Variants in CFAP54 observed in about 807,000 individuals in gnomAD.
CFAP54 encodes cilia and flagella associated protein 54.
Under a neutral mutation model 370.4 loss-of-function variants are expected in CFAP54, and 290 were observed. The observed-to-expected ratio is 0.78, with a 90% CI of 0.71 to 0.86. The LOEUF (loss-of-function observed/expected upper bound fraction) is 0.86. Ranked by LOEUF, CFAP54 falls within the 40% of genes least tolerant of loss-of-function variation. CFAP54 has a pLI of 0.00. For synonymous variants in CFAP54, 1,206 were observed against 1,236.5 expected (o/e 0.98, Z 0.52); for missense variants, 3,399 against 3,528.7 (o/e 0.96, Z 0.93).
intron 12 of CFAP54, among the ~76,000 whole-genome samples, chr12:96,536,275 T>C (rs1174637303): frequency 2.0e-5 from 3 of 152,204 alleles, no homozygotes; most frequent in Admixed American, 6.5e-5. Flanking sequence ...AGCTTCCTAA[T>C]CTGTTTTTGT....
chr12:96,506,156 G>A (rs146761634), intron 3 of CFAP54, among the ~76,000 whole-genome samples: 1 of 152,032 alleles, frequency 6.6e-6, no homozygotes, highest in African/African-American at 2.4e-5. Flanking sequence ...TGGCTAACAC[G>A]GTGAAACCCC....
chr12:96,585,767 A>C (rs1393798965), intron 22 of CFAP54, among the ~76,000 whole-genome samples: 1 of 152,184 alleles, frequency 6.6e-6, no homozygotes, highest in Admixed American at 6.5e-5. Flanking sequence ...CCCCAGTCCT[A>C]TCTCTCAACT....
chr12:96,513,121 A>G, intron 5 of CFAP54, 77 bp downstream of exon 5: 1 of 601,884 alleles, frequency 1.7e-6, no homozygotes, highest in South Asian at 4.2e-5. Flanking sequence ...TACACAGTAT[A>G]TTGAATGTTA....
Position 96,630,641 on chromosome 12 carries a change from G to T in CFAP54, c.4306G>T (p.Ala1436Ser). ...FKNPAISEMV[A>S]HERNRRTSVR... ...AAATCCGGCTATTTCTGAAATGGTG[G>T]CACATGAAAGGTATTCACTAATTAA... is the stretch of plus-strand genomic sequence containing the variant. The change falls in exon 32 of 68, where the codon GCA (alanine) becomes TCA (serine). Residue 1436 changes from alanine to serine, a missense_variant. Ala to Ser is a moderately conservative substitution (Grantham distance 99). Coordinates refer to ENST00000524981, the MANE Select transcript of CFAP54 (RefSeq NM_001306084.2). 2.0e-6 allele frequency: 3 copies of T among 1,485,966 alleles called. No homozygotes were observed. The highest frequency in any genetic ancestry group is 2.7e-6 in the Non-Finnish European group (3 of 1,121,452). The allele number at this position is 1,485,966 out of a possible 1,614,324, so 92.0% of individuals were successfully genotyped here. A position where few individuals can be genotyped will look rare whatever the true frequency, so the allele number is the denominator to read the frequency against.
At chr12:96,849,536 T>G (rs1474170239) in intron 66 of CFAP54, among the ~76,000 whole-genome samples, 2 of 152,254 alleles carry the variant, frequency 1.3e-5, no homozygotes, top group African/African-American at 2.4e-5. Context: ...GTAGATTCTT[T>G]GAAGACTACA....
chr12:96,743,154 A>G (rs1958071241), intron 52 of CFAP54, among the ~76,000 whole-genome samples: 1 of 152,190 alleles, frequency 6.6e-6, no homozygotes, highest in Non-Finnish European at 1.5e-5. Context: ...ATTTCTATCC[A>G]TCTTCCAAAT....
chr12:96,503,064 C>CTCTTTCTTTCTT (rs1289847310), intron 2 of CFAP54, among the ~76,000 whole-genome samples: 1 of 114,994 alleles, frequency 8.7e-6, no homozygotes, highest in African/African-American at 3.8e-5. Context: ...TCCTTTCTCT[C>CTCTTTCTTTCTT]TCTCTCTTTC....
At position 96,522,082 on chromosome 12, in the gene CFAP54, A is replaced by C; in HGVS notation, c.1057-6A>C. On this transcript the variant is annotated splice_polypyrimidine_tract_variant and splice_region_variant and intron_variant, in intron 7 of 67. Transcript: ENST00000524981. ...ATTTCATGTATAATTCTGCTTTTTG[A>C]GGCAGATGGCAGTGATGATCTTCAA... 1.3e-6 allele frequency: 2 copies of C among 1,534,560 alleles called. No homozygotes were observed. The highest frequency in any genetic ancestry group is 1.7e-6 in the Non-Finnish European group (2 of 1,146,354).
intron 1 of CFAP54, among the ~76,000 whole-genome samples, chr12:96,496,699 G>A (rs549161137): frequency 6.6e-6 from 1 of 152,076 alleles, no homozygotes; most frequent in African/African-American, 2.4e-5. Context: ...GAATTGGGGG[G>A]CAGTGGGGGA....
rs78507917 is a variant in CFAP54 at position 96,822,862 on chromosome 12, A to T, written c.9096+4949A>T. Reference sequence around the variant, plus strand: ...ATCTGTCTCATTTGGCTCAAACTCCAACACCTTTTCCTCCAACTCAGTCTA... The same window carrying T: ...ATCTGTCTCATTTGGCTCAAACTCCTACACCTTTTCCTCCAACTCAGTCTA... On this transcript the variant is annotated intron_variant, in intron 65 of 67. Transcript: ENST00000524981. Among the ~76,000 whole-genome samples the T allele has an allele frequency of 9.6e-3, 1,463 of 152,142 alleles. 56 individuals are homozygous for T. The East Asian group carries it at 0.1, about 11-fold the overall frequency.
chr12:96,534,815 G>C (rs1840644865), intron 11 of CFAP54, among the ~76,000 whole-genome samples: 1 of 152,014 alleles, frequency 6.6e-6, no homozygotes, highest in African/African-American at 2.4e-5. Context: ...ACCAAGTAAT[G>C]ATATATGTCT....
At chr12:96,795,887 T>G (rs1222690201) in intron 63 of CFAP54, among the ~76,000 whole-genome samples, 1 of 152,178 alleles carries the variant, frequency 6.6e-6, no homozygotes, top group African/African-American at 2.4e-5. Flanking sequence ...CCAATTCCAC[T>G]GGCAGCCCTC....
At chr12:96,539,614 G>A (rs530016459) in intron 13 of CFAP54, among the ~76,000 whole-genome samples, 2 of 152,186 alleles carry the variant, frequency 1.3e-5, no homozygotes, top group South Asian at 2.1e-4. Flanking sequence ...GGTGGAGGTT[G>A]CAGTGAGCCG....
intron 60 of CFAP54, among the ~76,000 whole-genome samples, chr12:96,768,848 T>A (rs1459289296): frequency 6.6e-6 from 1 of 151,996 alleles, no homozygotes; most frequent in Admixed American, 6.5e-5. Context: ...GGGAGAGGTA[T>A]ATTATGGGGC....
Position 96,638,204 on chromosome 12 carries a change from C to CGT in CFAP54, c.4317-5974_4317-5973insGT, listed in dbSNP as rs1956681933. On this transcript the variant is annotated intron_variant, in intron 32 of 67. Transcript: ENST00000524981. Reference sequence around the variant, plus strand: ...TGCATCATATATATATATATATATGCATGTGTGTGTGTGTGTGTGTGTGTG... The same window carrying CGT: ...TGCATCATATATATATATATATATGCGTATGTGTGTGTGTGTGTGTGTGTGTG... Among the ~76,000 whole-genome samples the CGT allele has an allele frequency of 6.9e-5, 5 of 72,050 alleles. No individual in the cohort carries two copies. In the East Asian group the frequency reaches 1.8e-3, roughly 26 times the overall value. The allele number at this position is 72,050 out of a possible 152,430, so 47.3% of individuals were successfully genotyped here.
chr12:96,795,741 C>G (rs78416337), intron 63 of CFAP54, among the ~76,000 whole-genome samples: 1,803 of 152,212 alleles, frequency 0.012, 30 homozygotes, highest in African/African-American at 0.04. Context: ...TTTCAGGTTT[C>G]GAGCCCCTCT....
intron 43 of CFAP54, among the ~76,000 whole-genome samples, chr12:96,689,594 C>T (rs1199352818): frequency 6.6e-6 from 1 of 152,114 alleles, no homozygotes; most frequent in Non-Finnish European, 1.5e-5. Flanking sequence ...AGTCTGACTT[C>T]AGATAGTTGC....
intron 64 of CFAP54, among the ~76,000 whole-genome samples, chr12:96,812,593 A>G (rs1342731535): frequency 2.6e-5 from 4 of 152,226 alleles, no homozygotes; most frequent in Admixed American, 2.6e-4. Context: ...TGTCAGGACT[A>G]AGATAGACAG....
chr12:96,555,761 G>A (rs1334399973), intron 17 of CFAP54, among the ~76,000 whole-genome samples: 1 of 151,618 alleles, frequency 6.6e-6, no homozygotes, highest in African/African-American at 2.4e-5. Context: ...ATAAATGAAG[G>A]TAGATTGTGT....
Sources: allele counts gnomAD v4.1 joint callset (sites outside exome capture counted in the v4.1 genomes callset), GRCh38; gene constraint gnomAD v4.1.1; transcripts MANE v1.5; gene names NCBI Gene and HGNC (gene_info 2026-07-23, HGNC 2026-07-21).